The following MTMR12 variants were observed in gnomAD, a reference collection of about 807,000 sequenced individuals.
The protein encoded by MTMR12 is myotubularin-related protein 12.
MTMR12 carries 33 observed loss-of-function variants against 96.7 expected under a neutral mutation model. The ratio of observed to expected loss-of-function variants is 0.34; its 90% CI spans 0.26 to 0.46. MTMR12 has a LOEUF of 0.46. MTMR12 is among the 20% of genes least tolerant of loss of function. The pLI, the probability that MTMR12 is intolerant of heterozygous loss-of-function variation, is 1.00. For missense variants in MTMR12, 721 were observed against 896.1 expected, an observed-to-expected ratio of 0.80 and a Z score of 2.49; for synonymous variants, 298 against 327.2, an observed-to-expected ratio of 0.91 and a Z score of 0.96.
intron 1 of MTMR12, among the ~76,000 whole-genome samples, chr5:32,304,041 G>C (rs1287771861): frequency 6.6e-6 from 1 of 152,008 alleles, no homozygotes; most frequent in African/African-American, 2.4e-5. Context: ...TGCAACCATA[G>C]GCCGGGCGCA....
At chr5:32,265,944 A>G (rs1749574026) in intron 6 of MTMR12, among the ~76,000 whole-genome samples, 2 of 152,238 alleles carry the variant, frequency 1.3e-5, no homozygotes, top group African/African-American at 4.8e-5. Context: ...ATTTGAACAC[A>G]GGTCAAATGG....
intron 15 of MTMR12, among the ~76,000 whole-genome samples, chr5:32,232,264 G>A (rs1368338631): frequency 2.0e-5 from 3 of 152,174 alleles, no homozygotes; most frequent in Admixed American, 6.6e-5. Context: ...CCACCAGGCC[G>A]CTCAACACAT....
At chr5:32,262,226 G>C (rs1749387679) in intron 7 of MTMR12, among the ~76,000 whole-genome samples, 1 of 152,140 alleles carries the variant, frequency 6.6e-6, no homozygotes, top group Non-Finnish European at 1.5e-5. Flanking sequence ...CACAGGATCT[G>C]GCAGTCCACT....
intron 9 of MTMR12, 133 bp from the exon 10 acceptor site, chr5:32,248,259 C>T: frequency 1.0e-6 from 1 of 996,696 alleles, no homozygotes. Context: ...CAGGCAATTG[C>T]TGCAGGACTC....
At chr5:32,240,090 G>C (rs1265520142) in intron 12 of MTMR12, among the ~76,000 whole-genome samples, 2 of 152,128 alleles carry the variant, frequency 1.3e-5, no homozygotes, top group African/African-American at 4.8e-5. Flanking sequence ...AGTATCATTG[G>C]TGTTAGAGAA....
rs536823847 is a variant in MTMR12, at chr5:32,312,679, C to A, written c.81+79G>T. The A allele has an allele frequency of 2.6e-4, 325 of 1,247,652 alleles. No homozygotes were observed. The African/African-American group carries it at 4.9e-3, about 19-fold the overall frequency. The allele number at this position is 1,247,652 out of a possible 1,614,324, so 77.3% of individuals were successfully genotyped here. A position where few individuals can be genotyped will look rare whatever the true frequency, so the allele number is the denominator to read the frequency against. On this transcript the variant is annotated intron_variant, in intron 1 of 15. Transcript: ENST00000382142. This position sits in a 1 kb window ranked among gnomAD's most constrained non-coding sequence, Gnocchi z 5.0. ...GCAGGAAGCGCTCCGCGGCGCTCCC[C>A]GCTGCAAGGAAGGGGCTCCCGGCGC...
intron 5 of MTMR12, among the ~76,000 whole-genome samples, chr5:32,268,997 TTTTC>T (rs1207383903): frequency 5.9e-5 from 9 of 151,942 alleles, no homozygotes; most frequent in Non-Finnish European, 1.0e-4. Flanking sequence ...TTTTGTGAGG[TTTTC>T]TTTCTTTTTT....
chr5:32,299,486 C>T (rs78501926), intron 1 of MTMR12, among the ~76,000 whole-genome samples: 2,051 of 152,344 alleles, frequency 0.013, 18 homozygotes, highest in Non-Finnish European at 0.021. Flanking sequence ...CTGACAGCAG[C>T]TGCAGAGACA....
intron 1 of MTMR12, among the ~76,000 whole-genome samples, chr5:32,290,300 A>G (rs540350674): frequency 1.3e-5 from 2 of 152,232 alleles, no homozygotes; most frequent in Non-Finnish European, 2.9e-5. Flanking sequence ...AAGGTATCAC[A>G]CTGGTCCATT....
At chr5:32,256,511 G>T (rs984816050) in intron 7 of MTMR12, among the ~76,000 whole-genome samples, 1 of 152,166 alleles carries the variant, frequency 6.6e-6, no homozygotes, top group Non-Finnish European at 1.5e-5. Context: ...GAACAAACTT[G>T]TTAAGTAGTA....
intron 7 of MTMR12, among the ~76,000 whole-genome samples, chr5:32,257,557 C>T (rs58434466): frequency 0.46 from 69,112 of 151,850 alleles, 16,766 homozygotes; most frequent in African/African-American, 0.62. Context: ...TATCATGAGG[C>T]GAGGAGTTTG....
intron 13 of MTMR12, among the ~76,000 whole-genome samples, chr5:32,237,519 T>TC (rs1748286752): frequency 6.6e-6 from 1 of 150,540 alleles, no homozygotes; most frequent in South Asian, 2.1e-4. Context: ...GCTTTCTTCT[T>TC]TTTTTTTTGG....
chr5:32,263,338 A>G, intron 6 of MTMR12, 96 bp from the exon 7 acceptor site: 1 of 1,441,100 alleles, frequency 6.9e-7, no homozygotes, highest in Non-Finnish European at 9.5e-7. Context: ...GGTTTCCTCC[A>G]CTAAGCCCAT....
chr5:32,279,491 T>C (rs1231791419), intron 1 of MTMR12, among the ~76,000 whole-genome samples: 1 of 152,208 alleles, frequency 6.6e-6, no homozygotes, highest in Admixed American at 6.5e-5. Context: ...CGCTGCTATG[T>C]ACCAATTCTA....
intron 1 of MTMR12, among the ~76,000 whole-genome samples, chr5:32,308,411 G>A (rs1214910153): frequency 2.0e-5 from 3 of 152,088 alleles, no homozygotes; most frequent in African/African-American, 7.2e-5. Flanking sequence ...GGAAATAGGA[G>A]AGAACAGTTC....
At chr5:32,238,856 C>T (rs190082955) in intron 13 of MTMR12, 145 bp downstream of exon 13, 2 of 879,648 alleles carry the variant, frequency 2.3e-6, no homozygotes, top group African/African-American at 1.7e-5. Flanking sequence ...AGTCATCACA[C>T]AATGAAACGA....
chr5:32,287,944 CTCAGGGAT>C (rs1239531401), intron 1 of MTMR12, among the ~76,000 whole-genome samples: 1 of 152,152 alleles, frequency 6.6e-6, no homozygotes, highest in Non-Finnish European at 1.5e-5. Flanking sequence ...AAATGACGAA[CTCAGGGAT>C]TCTACCTCCT....
Position 32,248,834 on chromosome 5 carries a change from C to G in MTMR12, c.834G>C (p.Met278Ile), listed in dbSNP as rs1295539657. 6.2e-7 allele frequency: 1 copy of G among 1,614,154 alleles called. No homozygotes were observed. Among genetic ancestry groups the G allele is most frequent in the Admixed American group, 1.7e-5 (1 of 60,020 alleles). Residue 278 changes from methionine (M) to isoleucine (I), a missense_variant, in exon 9 of 16, where the codon ATG becomes ATC. By Grantham distance (10) the Met-to-Ile change is conservative (BLOSUM62 1). Transcript: ENST00000382142. ...CATCCTGTTCTTTGGGCAGTGCTGA[C>G]ATTTTCAAAAGGGCACTTCCATTGT... is the stretch of plus-strand genomic sequence containing the variant. ...SCHNGSALLK[M>I]SALPKEQDDG...
intron 1 of MTMR12, among the ~76,000 whole-genome samples, chr5:32,277,770 T>C (rs949941112): frequency 6.6e-6 from 1 of 151,790 alleles, no homozygotes; most frequent in Admixed American, 6.6e-5. Context: ...CCAGTGAGGA[T>C]CAAGGGTTGA....
Sources: allele counts gnomAD v4.1 joint callset (sites outside exome capture counted in the v4.1 genomes callset), GRCh38; gene constraint gnomAD v4.1.1; non-coding constraint Gnocchi (gnomAD v3.1); transcripts MANE v1.5; gene names NCBI Gene and HGNC (gene_info 2026-07-23, HGNC 2026-07-21).